KRT222: variants seen among roughly 807,000 people sequenced by gnomAD.
KRT222 encodes keratin-like protein KRT222.
KRT222 carries 23 observed loss-of-function variants against 35.0 expected under a neutral mutation model. The observed-to-expected ratio is 0.66, with a 90% confidence interval of 0.47 to 0.93. KRT222 has a LOEUF of 0.93. KRT222 is among the 40% of genes least tolerant of loss of function. KRT222 has a pLI of 0.00. For synonymous variants in KRT222, 108 were observed against 118.8 expected (o/e 0.91, Z 0.59); for missense variants, 339 against 346.3 (o/e 0.98, Z 0.17).
intron 5 of KRT222, among the ~76,000 whole-genome samples, chr17:40,656,946 T>G (rs1242336751): frequency 6.6e-6 from 1 of 152,076 alleles, no homozygotes; most frequent in African/African-American, 2.4e-5. Flanking sequence ...TGGTGGCTCA[T>G]GCCTGTAATC....
chr17:40,657,018 C>A lies in KRT222; in HGVS notation c.659+334G>T, dbSNP rs1457705099. Among the ~76,000 whole-genome samples the A allele has an allele frequency of 6.6e-5, 10 of 151,946 alleles. No individual in the cohort carries two copies. The East Asian group carries it at 1.9e-3, about 29-fold the overall frequency. On this transcript the variant is annotated intron_variant, in intron 5 of 5. Transcript: ENST00000394052. ...GGTCAGGAGAATGAGACAAGCCTGG[C>A]CAACATGGTAAAACCCCATCTCTAC... is the stretch of plus-strand genomic sequence containing the variant.
Position 40,660,204 on chromosome 17 carries a change from T to C in KRT222, c.229A>G (p.Arg77Gly), listed in dbSNP as rs1288640987. The change falls in exon 3 of 6, where the codon AGG becomes GGG. Residue 77 changes from arginine to glycine, a missense_variant. Transcript: ENST00000394052. ...GCATGTAGGGAGTTTTCAAGGCCCC[T>C]TTCCTGTTTTATATAGATTTTCATC... The part of the protein sequence containing the change: ...VEIESLHAVE[R>G]GLENSLHASE... 3.1e-6 allele frequency: 5 copies of C among 1,612,488 alleles called. No individual in the cohort carries two copies. Among genetic ancestry groups the C allele is most frequent in the East Asian group, 2.2e-5 (1 of 44,894 alleles).
intron 2 of KRT222, among the ~76,000 whole-genome samples, chr17:40,661,359 C>G (rs2037382846): frequency 6.7e-6 from 1 of 149,800 alleles, no homozygotes; most frequent in African/African-American, 2.5e-5. Context: ...CTCTGCCTCC[C>G]AGGTTCAAGT....
chr17:40,662,098 GA>G (rs968097873), intron 1 of KRT222, 54 bp from the exon 2 acceptor site: 9 of 1,592,706 alleles, frequency 5.7e-6, no homozygotes, highest in Non-Finnish European at 6.8e-6. Context: ...GAGTGCTTCT[GA>G]AAATGAGATG....
At chr17:40,657,579 T>TG in intron 4 of KRT222, 92 bp from the exon 5 acceptor site, 1 of 1,492,582 alleles carries the variant, frequency 6.7e-7, no homozygotes, top group Non-Finnish European at 9.1e-7. Flanking sequence ...ATTGCTTGTT[T>TG]TTTTTCGACT....
chr17:40,661,459 T>C (rs1377730602), intron 2 of KRT222, among the ~76,000 whole-genome samples: 1 of 151,542 alleles, frequency 6.6e-6, no homozygotes, highest in Non-Finnish European at 1.5e-5. Context: ...AGAGATGGGG[T>C]TTCATCATGT....
rs1428235929 is a variant in KRT222 at position 40,655,734 on chromosome 17, AC to A, written c.*667del. 3 of 152,126 alleles carry A rather than the reference AC, an allele frequency of 2.0e-5. No individual in the cohort carries two copies. Among genetic ancestry groups the A allele is most frequent in the Admixed American group, 2.0e-4 (3 of 15,268 alleles). The allele number at this position is 152,126 out of a possible 1,614,324, so 9.4% of individuals were successfully genotyped here. ...AAATCAGATACTTATTACAAAAAAA[AC>A]CTTTTAGATATATGTAGATTAACTT... On this transcript the variant is annotated 3_prime_UTR_variant, in exon 6 of 6. Transcript: ENST00000394052.
chr17:40,661,629 A>G (rs2037384509), intron 2 of KRT222, among the ~76,000 whole-genome samples: 1 of 152,186 alleles, frequency 6.6e-6, no homozygotes, highest in African/African-American at 2.4e-5. Context: ...AAGACTTTGG[A>G]TAATAACGAA....
At position 40,665,007 on chromosome 17, in the gene KRT222, G is replaced by T; in HGVS notation, c.93C>A (p.Ile31=). The change falls in exon 1 of 6, where the codon ATC becomes ATA. Residue 31 remains isoleucine (I), a synonymous_variant. Coordinates refer to ENST00000394052, the MANE Select transcript of KRT222 (RefSeq NM_152349.3). Reference sequence around the variant, plus strand: ...CCTGTCTGTATGAAATCATTACCTGGATCCTTGTTGAGAGCACCGTCTCTA... The same window carrying T: ...CCTGTCTGTATGAAATCATTACCTGTATCCTTGTTGAGAGCACCGTCTCTA... The part of the protein sequence containing the change: ...NQIETVLSTR[I]QLEEDISKKM... 1 of 1,613,888 alleles carries T rather than the reference G, an allele frequency of 6.2e-7. No individual in the cohort carries two copies. The highest frequency in any genetic ancestry group is 8.5e-7 in the Non-Finnish European group (1 of 1,179,908).
At position 40,656,615 on chromosome 17, in the gene KRT222, A is replaced by T. The variant is rs755802439; in HGVS notation, c.675T>A (p.Asp225Glu). Residue 225 changes from aspartate (D) to glutamate (E), a missense_variant, in exon 6 of 6, where the codon GAT becomes GAA. By Grantham distance (45) the Asp-to-Glu change is conservative (BLOSUM62 2). Transcript: ENST00000394052. ...AHGTIQTEKV[D>E]EVIKEWEGSF... Reference sequence around the variant, plus strand: ...AACCTTCCCATTCTTTAATAACTTCATCCACTTTCTCTGTCCTGAAATGAT... The same window carrying T: ...AACCTTCCCATTCTTTAATAACTTCTTCCACTTTCTCTGTCCTGAAATGAT... 1 of 1,599,712 alleles carries T rather than the reference A, an allele frequency of 6.3e-7. No homozygotes were observed. Among genetic ancestry groups the T allele is most frequent in the East Asian group, 2.2e-5 (1 of 44,738 alleles).
chr17:40,663,966 A>G (rs1342620630), intron 1 of KRT222, among the ~76,000 whole-genome samples: 1 of 152,192 alleles, frequency 6.6e-6, no homozygotes, highest in Non-Finnish European at 1.5e-5. Flanking sequence ...ACTTTGCTTA[A>G]TCTAAGATGT....
chr17:40,662,510 G>C (rs924019631), intron 1 of KRT222, among the ~76,000 whole-genome samples: 12 of 152,162 alleles, frequency 7.9e-5, no homozygotes, highest in African/African-American at 2.9e-4. Flanking sequence ...GGGATAGGGC[G>C]TAAATACTGC....
chr17:40,661,990 C>T lies in KRT222; in HGVS notation c.151G>A (p.Ala51Thr). ...CGGGCCTCCTTGAGTTCTGCTTGAG[C>T]TGCCTTCAAAGCCTCTTCATCTTTG... ...MDKDEEALKAAQAELKEARRQ... is the reference protein window; with the variant it reads ...MDKDEEALKATQAELKEARRQ... Residue 51 changes from alanine to threonine, a missense_variant, in exon 2 of 6, where the codon GCT (alanine) becomes ACT (threonine). Coordinates refer to ENST00000394052, the MANE Select transcript of KRT222 (RefSeq NM_152349.3). 6.2e-7 allele frequency: 1 copy of T among 1,614,162 alleles called. No homozygotes were observed. The highest frequency in any genetic ancestry group is 8.5e-7 in the Non-Finnish European group (1 of 1,180,020).
intron 2 of KRT222, among the ~76,000 whole-genome samples, chr17:40,660,850 GT>G (rs1350784615): frequency 6.7e-6 from 1 of 148,214 alleles, no homozygotes; most frequent in African/African-American, 2.5e-5. Context: ...GGTAGGCTTT[GT>G]AAAAAAAAAA....
chr17:40,656,225 C>T lies in KRT222; in HGVS notation c.*177G>A, dbSNP rs2037342610. The T allele has an allele frequency of 9.0e-6, 5 of 554,074 alleles. No homozygotes were observed. The South Asian group carries it at 1.3e-4, about 14-fold the overall frequency. The allele number at this position is 554,074 out of a possible 1,614,324, so 34.3% of individuals were successfully genotyped here. A position where few individuals can be genotyped will look rare whatever the true frequency, so the allele number is the denominator to read the frequency against. On this transcript the variant is annotated 3_prime_UTR_variant, in exon 6 of 6. Coordinates refer to ENST00000394052, the MANE Select transcript of KRT222 (RefSeq NM_152349.3). The stretch of plus-strand genomic sequence containing the variant: ...ATATATATATATATATGTCTATCTC[C>T]ATAATTAGATTCAGAGAAATGTCCT...
chr17:40,657,573 C>T (rs923539961), intron 4 of KRT222, 86 bp from the exon 5 acceptor site: 208 of 1,394,608 alleles, frequency 1.5e-4, no homozygotes, highest in Non-Finnish European at 1.9e-4. Flanking sequence ...TCAAATATTG[C>T]TTGTTTTTTT....
intron 5 of KRT222, 83 bp downstream of exon 5, chr17:40,657,265 CAAAG>C: frequency 1.3e-6 from 1 of 790,718 alleles, no homozygotes; most frequent in South Asian, 3.1e-5. Context: ...AACATTTAAA[CAAAG>C]AAGAGTAATT....
At position 40,657,703 on chromosome 17, in the gene KRT222, G is replaced by C; in HGVS notation, c.494C>G (p.Thr165Arg). ...TGGTAAAACAAAACCAACTCTACTT[G>C]TGGTAGGCTTTTTGTCTTTTTTCCC... is the stretch of plus-strand genomic sequence containing the variant. ...QGGKKDKKPT[T>R]SRVGFVLPSA... is the part of the protein sequence containing the mutation. Residue 165 changes from threonine (T) to arginine (R), a missense_variant, in exon 4 of 6, where the codon ACA becomes AGA. Thr to Arg is a moderately conservative substitution (Grantham distance 71). Transcript: ENST00000394052. The C allele has an allele frequency of 2.5e-6, 4 of 1,612,674 alleles. No individual in the cohort carries two copies. Among genetic ancestry groups the C allele is most frequent in the Non-Finnish European group, 3.4e-6 (4 of 1,179,310 alleles).
Position 40,654,793 on chromosome 17 carries a change from A to G in KRT222, c.*1609T>C, listed in dbSNP as rs938148412. The stretch of plus-strand genomic sequence containing the variant: ...AGCATTTAGCAATATCAAATGAAAC[A>G]TTTTTTATGTATAGGATGTATTTTA... On this transcript the variant is annotated 3_prime_UTR_variant, in exon 6 of 6. Transcript: ENST00000394052. The G allele has an allele frequency of 2.0e-5, 3 of 152,024 alleles. No individual in the cohort carries two copies. The highest frequency in any genetic ancestry group is 1.9e-4 in the East Asian group (1 of 5,184). The allele number at this position is 152,024 out of a possible 1,614,324, so 9.4% of individuals were successfully genotyped here.
Sources: allele counts gnomAD v4.1 joint callset (sites outside exome capture counted in the v4.1 genomes callset), GRCh38; gene constraint gnomAD v4.1.1; transcripts MANE v1.5; gene names NCBI Gene and HGNC (gene_info 2026-07-23, HGNC 2026-07-21).